The following MYZAP variants were observed in gnomAD, a reference collection of about 807,000 sequenced individuals.
MYZAP encodes the protein GRINL1A complex locus upstream.
Under a neutral mutation model 69.4 loss-of-function variants are expected in MYZAP, and 66 were observed. The observed-to-expected ratio is 0.95, with a 90% CI of 0.78 to 1.17. MYZAP has a LOEUF of 1.17. Among genes scored for constraint, MYZAP ranks in the 50% most tolerant of loss-of-function variants. The pLI, the probability that MYZAP is intolerant of heterozygous loss-of-function variation, is 0.00. For synonymous variants in MYZAP, 256 were observed against 205.9 expected (o/e 1.24, Z -2.09); for missense variants, 611 against 556.2 (o/e 1.10, Z -0.99).
intron 1 of MYZAP, among the ~76,000 whole-genome samples, chr15:57,595,320 A>G (rs1461426049): frequency 6.6e-6 from 1 of 152,240 alleles, no homozygotes; most frequent in East Asian, 1.9e-4. Context: ...CCAGTTGTGC[A>G]CTAAAAATAG....
intron 10 of MYZAP, among the ~76,000 whole-genome samples, chr15:57,654,740 A>G (rs1174977263): frequency 6.6e-6 from 1 of 152,172 alleles, no homozygotes; most frequent in Non-Finnish European, 1.5e-5. Context: ...ATGGGAAGAA[A>G]TTCCAGGAAG....
intron 11 of MYZAP, among the ~76,000 whole-genome samples, chr15:57,674,427 A>G (rs924947723): frequency 3.9e-5 from 6 of 152,226 alleles, no homozygotes; most frequent in Non-Finnish European, 8.8e-5. Context: ...CACCTACGAA[A>G]GACTAATTAA....
At chr15:57,625,689 C>T (rs1390917572) in intron 4 of MYZAP, 90 bp from the exon 5 acceptor site, 9 of 1,160,262 alleles carry the variant, frequency 7.8e-6, no homozygotes, top group African/African-American at 1.5e-5. Flanking sequence ...GTAGATGTGG[C>T]TTCTAACAGA....
chr15:57,641,118 C>T (rs2037130187), intron 10 of MYZAP, among the ~76,000 whole-genome samples: 1 of 152,204 alleles, frequency 6.6e-6, no homozygotes. Flanking sequence ...TCTCCCACCT[C>T]ACCACAGGGG....
rs1427284957 is a variant in MYZAP at position 57,632,464 on chromosome 15, G to A, written c.709G>A (p.Val237Met). Residue 237 changes from valine (V) to methionine (M), a missense_variant, in exon 7 of 13, where the codon GTG becomes ATG. Val to Met is a conservative substitution (Grantham distance 21). Coordinates refer to ENST00000267853, the MANE Select transcript of MYZAP (RefSeq NM_001018100.5). Reference sequence around the variant, plus strand: ...ATCGTCCCAAGAAGCCAATGCTGAGGTGATGCGAGAGATGACCAAGAAGCT... The same window carrying A: ...ATCGTCCCAAGAAGCCAATGCTGAGATGATGCGAGAGATGACCAAGAAGCT... ...VESSQEANAE[V>M]MREMTKKLYS... 2 of 1,614,208 alleles carry A rather than the reference G, an allele frequency of 1.2e-6. No individual in the cohort carries two copies. Among genetic ancestry groups the A allele is most frequent in the South Asian group, 1.1e-5 (1 of 91,078 alleles).
intron 12 of MYZAP, among the ~76,000 whole-genome samples, chr15:57,682,598 A>G (rs1238821120): frequency 6.6e-6 from 1 of 152,162 alleles, no homozygotes; most frequent in African/African-American, 2.4e-5. Flanking sequence ...GAATCTTGCT[A>G]GAATAAAAAT....
In MYZAP at chr15:57,685,317, A is replaced by T. The variant is rs2039640211; in HGVS notation, c.*819A>T. On this transcript the variant is annotated 3_prime_UTR_variant, in exon 13 of 13. Transcript: ENST00000267853. ...ATGCATGCTCTACTTTGATATTATA[A>T]CCTATGTCACATGTGTTTAATAAAT... The T allele has an allele frequency of 6.6e-6, 1 of 152,120 alleles. No individual in the cohort carries two copies. Among genetic ancestry groups the T allele is most frequent in the Non-Finnish European group, 1.5e-5 (1 of 68,024 alleles). The allele number at this position is 152,120 out of a possible 1,614,324, so 9.4% of individuals were successfully genotyped here.
At chr15:57,593,214 A>ACACACACCCC (rs1172761785) in intron 1 of MYZAP, among the ~76,000 whole-genome samples, 12 of 141,436 alleles carry the variant, frequency 8.5e-5, no homozygotes, top group African/African-American at 1.1e-4. Flanking sequence ...ACACACACAC[A>ACACACACCCC]CCCCAGAATC....
chr15:57,607,040 C>T (rs2034796646), intron 2 of MYZAP, among the ~76,000 whole-genome samples: 2 of 152,202 alleles, frequency 1.3e-5, no homozygotes, highest in African/African-American at 4.8e-5. Context: ...CTCTCCCTGC[C>T]TGTCCCTTTT....
intron 9 of MYZAP, among the ~76,000 whole-genome samples, chr15:57,638,394 C>T (rs16977630): frequency 0.073 from 11,170 of 152,176 alleles, 492 homozygotes; most frequent in African/African-American, 0.11. Context: ...ACGGGTATGA[C>T]GGTGATAACA....
At position 57,641,713 on chromosome 15, in the gene MYZAP, G is replaced by A. The variant is rs2037170328; in HGVS notation, c.1119+2168G>A. On this transcript the variant is annotated intron_variant, in intron 10 of 12. Transcript: ENST00000267853. ...CTAATAATTTTTACTGCCTGATTTAGAAAGTTTGTGTTTGCCCAGCATACT... is the reference window on the plus strand; with the variant it reads ...CTAATAATTTTTACTGCCTGATTTAAAAAGTTTGTGTTTGCCCAGCATACT... 2.6e-5 allele frequency among the ~76,000 whole-genome samples: 4 copies of A among 152,202 alleles called. 1 individual carries two copies. The South Asian group carries it at 8.3e-4, about 31-fold the overall frequency.
At chr15:57,625,425 G>GA (rs1341724976) in intron 4 of MYZAP, among the ~76,000 whole-genome samples, 1 of 152,194 alleles carries the variant, frequency 6.6e-6, no homozygotes, top group Non-Finnish European at 1.5e-5. Context: ...GGTGGCTGCA[G>GA]AAGTTATTTC....
chr15:57,660,904 AG>A (rs1205423906), intron 10 of MYZAP, among the ~76,000 whole-genome samples: 1 of 152,226 alleles, frequency 6.6e-6, no homozygotes, highest in Non-Finnish European at 1.5e-5. Context: ...ATGAGTCTTC[AG>A]TCCTCTGAAT....
At chr15:57,647,460 C>T in intron 10 of MYZAP, 1 of 985,368 alleles carries the variant, frequency 1.0e-6, no homozygotes, top group African/African-American at 1.7e-5. Flanking sequence ...AAGTCACTGG[C>T]ATTTGTTCTA....
At chr15:57,619,119 G>C (rs538138655) in intron 3 of MYZAP, among the ~76,000 whole-genome samples, 1 of 152,298 alleles carries the variant, frequency 6.6e-6, no homozygotes, top group East Asian at 1.9e-4. Context: ...ACACAGCTTT[G>C]TGAGCCCCAT....
At chr15:57,641,899 A>G (rs1443502156) in intron 10 of MYZAP, among the ~76,000 whole-genome samples, 1 of 152,218 alleles carries the variant, frequency 6.6e-6, no homozygotes, top group Non-Finnish European at 1.5e-5. Context: ...TGAGAACCTG[A>G]GTAATTCAGG....
intron 10 of MYZAP, among the ~76,000 whole-genome samples, chr15:57,648,855 G>A (rs1348964864): frequency 2.7e-5 from 4 of 148,632 alleles, no homozygotes; most frequent in African/African-American, 9.9e-5. Context: ...ACCTGTCCCT[G>A]ATTCTGTTCC....
chr15:57,608,135 T>G lies in MYZAP; in HGVS notation c.162+3780T>G, dbSNP rs1369334411. Among the ~76,000 whole-genome samples, 5 of 152,316 alleles carry G rather than the reference T, an allele frequency of 3.3e-5. No homozygotes were observed. The South Asian group carries it at 8.3e-4, about 25-fold the overall frequency. On this transcript the variant is annotated intron_variant, in intron 2 of 12. Transcript: ENST00000267853. ...GATTGACTTCTGTTGCAGTGAGACT[T>G]CTCAAGGATTTCCAGGGCCCTGTTA...
At chr15:57,672,744 C>T (rs960311501) in intron 11 of MYZAP, among the ~76,000 whole-genome samples, 2 of 152,304 alleles carry the variant, frequency 1.3e-5, no homozygotes, top group Middle Eastern at 3.4e-3. Context: ...CAATAAGGTG[C>T]CTTTTCTCAA....
Sources: gnomAD v4.1 joint callset for allele counts (sites outside exome capture counted in the v4.1 genomes callset) on GRCh38, gnomAD v4.1.1 for gene constraint, MANE v1.5 for transcripts, NCBI Gene and HGNC (gene_info 2026-07-23, HGNC 2026-07-21) for gene names.